The following SLIT3 variants were observed in gnomAD, a reference collection of about 807,000 sequenced individuals.
The protein encoded by SLIT3 is slit guidance ligand 3.
Under a neutral mutation model 184.0 loss-of-function variants are expected in SLIT3, and 68 were observed. The ratio of observed to expected loss-of-function variants is 0.37; its 90% CI spans 0.30 to 0.45. SLIT3 has a LOEUF of 0.45. Among genes scored for constraint, SLIT3 ranks in the 20% least tolerant of loss-of-function variants. The pLI is 1.00. For synonymous variants in SLIT3, 831 were observed against 828.6 expected, an observed-to-expected ratio of 1.00 and a Z score of -0.05; for missense variants, 1,707 against 2,026.0, an observed-to-expected ratio of 0.84 and a Z score of 3.02.
rs1448775651 is a variant in SLIT3 at position 169,145,560 on chromosome 5, T to C, written c.413+47919A>G. The stretch of plus-strand genomic sequence containing the variant: ...TAGCTAAGGGGCCCAGCCACATACA[T>C]TGGGCTCCTTGTCACCCGTTAACAG... On this transcript the variant is annotated intron_variant, in intron 4 of 35. Transcript: ENST00000519560. Among the ~76,000 whole-genome samples the C allele has an allele frequency of 2.6e-5, 4 of 152,300 alleles. 1 individual carries two copies. The highest frequency in any genetic ancestry group is 6.5e-5 in the Admixed American group (1 of 15,296).
At chr5:168,754,167 G>A (rs1459987088) in intron 16 of SLIT3, among the ~76,000 whole-genome samples, 160 bp from the exon 17 acceptor site, 4 of 152,134 alleles carry the variant, frequency 2.6e-5, no homozygotes, top group Admixed American at 6.5e-5. Context: ...CTGAACTTTG[G>A]TCTTCAGCAT....
chr5:168,779,350 G>A (rs956358808), intron 12 of SLIT3, among the ~76,000 whole-genome samples: 4 of 152,172 alleles, frequency 2.6e-5, no homozygotes, highest in Admixed American at 6.5e-5. Flanking sequence ...CTCCATCAAC[G>A]CAGCGGGTGA....
intron 4 of SLIT3, among the ~76,000 whole-genome samples, chr5:169,070,666 C>A (rs1324053116): frequency 4.6e-5 from 7 of 152,084 alleles, no homozygotes. Flanking sequence ...GGTTTCTGTG[C>A]TAATCTGACC....
At chr5:169,264,158 A>T (rs1374466364) in intron 1 of SLIT3, among the ~76,000 whole-genome samples, 1 of 152,016 alleles carries the variant, frequency 6.6e-6, no homozygotes. Flanking sequence ...AGACTCTGGA[A>T]TTTTAGCCAT....
intron 4 of SLIT3, among the ~76,000 whole-genome samples, chr5:169,104,337 C>T (rs960425486): frequency 3.3e-5 from 5 of 152,170 alleles, no homozygotes; most frequent in South Asian, 2.1e-4. Context: ...AATAAGCCCA[C>T]GCAGAACTCC....
At chr5:168,767,976 G>A (rs1421774961) in intron 14 of SLIT3, among the ~76,000 whole-genome samples, 1 of 152,072 alleles carries the variant, frequency 6.6e-6, no homozygotes, top group Non-Finnish European at 1.5e-5. Flanking sequence ...TCTTTCCCCA[G>A]GGTGCTTCTC....
intron 20 of SLIT3, among the ~76,000 whole-genome samples, chr5:168,740,067 C>G (rs542610910): frequency 5.9e-5 from 9 of 152,308 alleles, no homozygotes; most frequent in African/African-American, 2.2e-4. Flanking sequence ...CCCACATAAA[C>G]ACAGGTTCTT....
chr5:169,142,128 G>A (rs1761770286), intron 4 of SLIT3, among the ~76,000 whole-genome samples: 1 of 151,340 alleles, frequency 6.6e-6, no homozygotes, highest in Non-Finnish European at 1.5e-5. Context: ...AATAAAGTCA[G>A]GTCATGAGGG....
At position 168,724,366 on chromosome 5, in the gene SLIT3, C is replaced by T. The variant is rs73324007; in HGVS notation, c.2339+50G>A. The T allele has an allele frequency of 1.6e-3, 2,456 of 1,495,478 alleles. 29 individuals carry two copies. The African/African-American group carries it at 0.029, about 18-fold the overall frequency. The allele number at this position is 1,495,478 out of a possible 1,614,324, so 92.6% of individuals were successfully genotyped here. On this transcript the variant is annotated intron_variant, in intron 21 of 35. Transcript: ENST00000519560. ...TTACCATCCACTTCAGTTTCCTGAGCGACCCCAGCAGGGAAAAATAAACAT... is the reference window on the plus strand; with the variant it reads ...TTACCATCCACTTCAGTTTCCTGAGTGACCCCAGCAGGGAAAAATAAACAT...
At chr5:168,758,563 C>T (rs781396705) in intron 16 of SLIT3, among the ~76,000 whole-genome samples, 5 of 152,186 alleles carry the variant, frequency 3.3e-5, no homozygotes, top group Non-Finnish European at 5.9e-5. Flanking sequence ...GGGCACTGGA[C>T]CCCAGTGACA....
intron 4 of SLIT3, 108 bp from the exon 5 acceptor site, chr5:168,883,444 C>A: frequency 2.4e-6 from 2 of 816,768 alleles, no homozygotes; most frequent in South Asian, 3.0e-5. Flanking sequence ...CCTCTGCGGT[C>A]AGAGTGTATG....
chr5:168,853,810 A>G (rs1027067457), intron 5 of SLIT3, among the ~76,000 whole-genome samples: 1 of 152,282 alleles, frequency 6.6e-6, no homozygotes, highest in Non-Finnish European at 1.5e-5. Context: ...TGAATACACC[A>G]AGTACTTTCA....
At chr5:169,292,494 G>A (rs1400153811) in intron 1 of SLIT3, among the ~76,000 whole-genome samples, 1 of 152,128 alleles carries the variant, frequency 6.6e-6, no homozygotes, top group African/African-American at 2.4e-5. Flanking sequence ...GATGCTACAA[G>A]CCAAGAAGAC....
intron 4 of SLIT3, among the ~76,000 whole-genome samples, chr5:168,992,091 C>T (rs1462701998): frequency 1.3e-5 from 2 of 152,232 alleles, no homozygotes; most frequent in Non-Finnish European, 2.9e-5. Flanking sequence ...CCCTTTGGCC[C>T]AAAGCCATTG....
chr5:169,290,166 C>T (rs79233926), intron 1 of SLIT3, among the ~76,000 whole-genome samples: 3 of 151,562 alleles, frequency 2.0e-5, no homozygotes, highest in Non-Finnish European at 4.4e-5. Context: ...TGCTAGGGCA[C>T]ATGCTAGGGC....
chr5:169,101,209 C>G (rs1232109142), intron 4 of SLIT3, among the ~76,000 whole-genome samples: 2 of 152,172 alleles, frequency 1.3e-5, no homozygotes, highest in East Asian at 1.9e-4. Flanking sequence ...GGCAATAACA[C>G]TTTGGTTTTT....
chr5:169,229,818 C>T (rs1764936677), intron 3 of SLIT3, among the ~76,000 whole-genome samples: 2 of 152,018 alleles, frequency 1.3e-5, no homozygotes, highest in South Asian at 4.2e-4. Context: ...GGAGGCATGG[C>T]GTACATGCAT....
At chr5:168,829,486 A>G (rs1307535021) in intron 6 of SLIT3, among the ~76,000 whole-genome samples, 1 of 152,142 alleles carries the variant, frequency 6.6e-6, no homozygotes, top group African/African-American at 2.4e-5. Context: ...GTCCTGTCTC[A>G]AGGCAGATAG....
In SLIT3 at chr5:168,696,341, G is replaced by T; in HGVS notation, c.3033C>A (p.Cys1011Ter). 1 of 1,614,166 alleles carries T rather than the reference G, an allele frequency of 6.2e-7. No homozygotes were observed. Among genetic ancestry groups the T allele is most frequent in the Non-Finnish European group, 8.5e-7 (1 of 1,180,026 alleles). ...EDNDCENNAT[C>*]VDGINNYVCI... The stretch of plus-strand genomic sequence containing the variant: ...ACACGTAGTTGTTGATCCCGTCCAC[G>T]CAGGTGGCATTGTTTTCGCAGTCGT... Residue 1011 changes from cysteine (C) to a stop codon, truncating the protein, a stop_gained, in exon 28 of 36, where the codon TGC (cysteine) becomes TGA (stop). Coordinates refer to ENST00000519560, the MANE Select transcript of SLIT3 (RefSeq NM_003062.4). LOFTEE classifies it high-confidence loss of function.
Sources: gnomAD v4.1 joint callset for allele counts (sites outside exome capture counted in the v4.1 genomes callset) on GRCh38, gnomAD v4.1.1 for gene constraint, MANE v1.5 for transcripts, NCBI Gene and HGNC (gene_info 2026-07-23, HGNC 2026-07-21) for gene names.